ANKRD30B: variants seen among roughly 807,000 people sequenced by gnomAD.
ANKRD30B encodes the protein ankyrin repeat domain 30B.
ANKRD30B carries 144 observed loss-of-function variants against 202.2 expected under a neutral mutation model. The observed-to-expected ratio is 0.71, with a 90% confidence interval of 0.62 to 0.82. The LOEUF is 0.82. Ranked by LOEUF, ANKRD30B falls within the 40% of genes least tolerant of loss-of-function variation. The pLI is 0.00. For missense variants in ANKRD30B, 1,487 were observed against 1,669.1 expected (o/e 0.89, Z 1.90); for synonymous variants, 508 against 561.3 (o/e 0.91, Z 1.34).
intron 32 of ANKRD30B, among the ~76,000 whole-genome samples, chr18:14,827,279 A>G (rs1372230910): frequency 6.6e-6 from 1 of 152,182 alleles, no homozygotes; most frequent in African/African-American, 2.4e-5. Flanking sequence ...TTAATATTTC[A>G]TTGTACTCCT....
At chr18:14,907,144 T>G in the ANKRD30B span, among the ~76,000 whole-genome samples, 17 of 152,190 alleles carry the variant, frequency 1.1e-4, no homozygotes, top group Non-Finnish European at 2.4e-4. Context: ...TGTGTTGATG[T>G]TAATGCTGGA....
In ANKRD30B at chr18:14,850,315, A is replaced by G. The variant is rs771395829; in HGVS notation, c.3497A>G (p.Gln1166Arg). ...CTTAGGAAAAAGTTAGAAGTGAAACAACAACTTGAACAGACTCTCAGAATA... is the reference window on the plus strand; with the variant it reads ...CTTAGGAAAAAGTTAGAAGTGAAACGACAACTTGAACAGACTCTCAGAATA... ...EQLRKKLEVK[Q>R]QLEQTLRIQD... The change falls in exon 41 of 44, where the codon CAA becomes CGA. Residue 1166 changes from glutamine (Q) to arginine (R), a missense_variant. Around this residue, in one of 6 missense-constraint regions of ANKRD30B, gnomAD observed 177 missense variants for 216.4 expected, o/e 0.82. Coordinates refer to ENST00000690538, the MANE Select transcript of ANKRD30B (RefSeq NM_001367607.2). The G allele has an allele frequency of 3.8e-6, 6 of 1,591,894 alleles. No homozygotes were observed. The highest frequency in any genetic ancestry group is 5.1e-6 in the Non-Finnish European group (6 of 1,170,716).
At chr18:14,785,661 G>T (rs1164104881) in intron 14 of ANKRD30B, among the ~76,000 whole-genome samples, 1 of 152,176 alleles carries the variant, frequency 6.6e-6, no homozygotes, top group South Asian at 2.1e-4. Context: ...ACGATCCAGG[G>T]TATGCTTCTG....
chr18:14,815,749 TAA>T (rs1255764043), intron 30 of ANKRD30B, among the ~76,000 whole-genome samples: 3 of 152,210 alleles, frequency 2.0e-5, no homozygotes, highest in African/African-American at 4.8e-5. Context: ...TAATATTTAA[TAA>T]GTCTGTTGCA....
At chr18:14,810,915 A>T (rs1969880576) in intron 28 of ANKRD30B, among the ~76,000 whole-genome samples, 1 of 151,230 alleles carries the variant, frequency 6.6e-6, no homozygotes, top group Non-Finnish European at 1.5e-5. Context: ...GGAGTCGCAG[A>T]CGAGCCTGGT....
At position 14,797,683 on chromosome 18, in the gene ANKRD30B, T is replaced by A. The variant is rs1969008675; in HGVS notation, c.1950T>A (p.Leu650=). ...TAGAGTCTCCTGATAAAGATGGTCT[T>A]CTGAAGGTAATAGCTTTTATGTCTC... is the stretch of plus-strand genomic sequence containing the variant. ...FKAESPDKDG[L]LKPTCGRKVS... is the part of the protein sequence containing the mutation. The change falls in exon 19 of 44, where the codon CTT becomes CTA. Residue 650 remains leucine (L), a synonymous_variant. Transcript: ENST00000690538. The A allele has an allele frequency of 2.5e-6, 4 of 1,609,310 alleles. No individual in the cohort carries two copies. Among genetic ancestry groups the A allele is most frequent in the Non-Finnish European group, 3.4e-6 (4 of 1,175,876 alleles).
intron 32 of ANKRD30B, among the ~76,000 whole-genome samples, chr18:14,827,126 C>T (rs1043857548): frequency 1.2e-4 from 18 of 152,094 alleles, no homozygotes; most frequent in African/African-American, 4.3e-4. Context: ...GAAGGAGGAT[C>T]ATCTGCTTCA....
the ANKRD30B span, among the ~76,000 whole-genome samples, chr18:14,927,444 G>A: frequency 6.6e-6 from 1 of 152,130 alleles, no homozygotes; most frequent in South Asian, 2.1e-4. Context: ...CACATACTGA[G>A]CATTCAATGC....
chr18:14,750,122 A>G (rs1279906434), intron 1 of ANKRD30B, among the ~76,000 whole-genome samples: 1 of 152,136 alleles, frequency 6.6e-6, no homozygotes, highest in African/African-American at 2.4e-5. Context: ...ATCACCCTGC[A>G]TATGAGAAAA....
the ANKRD30B span, among the ~76,000 whole-genome samples, chr18:14,924,782 A>C: frequency 6.6e-6 from 1 of 152,226 alleles, no homozygotes; most frequent in Admixed American, 6.5e-5. Flanking sequence ...GATCGGGGGA[A>C]GATTCCTGGT....
chr18:14,904,450 A>C, the ANKRD30B span, among the ~76,000 whole-genome samples: 6 of 152,116 alleles, frequency 3.9e-5, no homozygotes, highest in South Asian at 1.2e-3. Flanking sequence ...TTTACCAGGC[A>C]CACAGGATCT....
chr18:14,887,983 TA>T, the ANKRD30B span, among the ~76,000 whole-genome samples: 1 of 152,092 alleles, frequency 6.6e-6, no homozygotes, highest in Admixed American at 6.6e-5. Context: ...AGTACAGTAT[TA>T]TCATCAATCA....
chr18:14,919,259 G>T, the ANKRD30B span, among the ~76,000 whole-genome samples: 8 of 152,224 alleles, frequency 5.3e-5, no homozygotes, highest in Admixed American at 3.9e-4. Flanking sequence ...ATTGTAAAAT[G>T]TCAGCAATGC....
At chr18:14,929,832 G>A in the ANKRD30B span, among the ~76,000 whole-genome samples, 1 of 152,098 alleles carries the variant, frequency 6.6e-6, no homozygotes, top group Non-Finnish European at 1.5e-5. Context: ...ATAGTGCTAG[G>A]TGTAATAGAT....
intron 24 of ANKRD30B, among the ~76,000 whole-genome samples, chr18:14,806,293 T>A (rs1969509657): frequency 6.6e-6 from 1 of 150,796 alleles, no homozygotes; most frequent in African/African-American, 2.5e-5. Context: ...CTCTTCATGG[T>A]GACTAAAAAG....
the ANKRD30B span, among the ~76,000 whole-genome samples, chr18:14,923,929 G>A: frequency 3.9e-5 from 6 of 152,298 alleles, no homozygotes. Context: ...TATATCACCT[G>A]TGGTGCTGGG....
At chr18:14,939,032 C>T in the ANKRD30B span, among the ~76,000 whole-genome samples, 8 of 152,284 alleles carry the variant, frequency 5.3e-5, no homozygotes, top group East Asian at 1.5e-3. Context: ...GCAATGAAAA[C>T]ACGTCTGCAG....
chr18:14,853,912 G>A lies in ANKRD30B; in HGVS notation c.*2G>A, dbSNP rs1310810335. Among the ~76,000 whole-genome samples the A allele has an allele frequency of 2.6e-5, 4 of 152,040 alleles. No individual in the cohort carries two copies. The highest frequency in any genetic ancestry group is 9.7e-5 in the African/African-American group (4 of 41,420). On this transcript the variant is annotated 3_prime_UTR_variant, in exon 43 of 44. Transcript: ENST00000690538. ...TCTCACTCTCTGAGGCATCAATAGA[G>A]GCTACATCACATTATCACATTAATC...
intron 14 of ANKRD30B, 48 bp from the exon 15 acceptor site, chr18:14,786,991 T>G (rs766884027): frequency 6.4e-7 from 1 of 1,554,048 alleles, no homozygotes; most frequent in Admixed American, 1.8e-5. Context: ...TTAAAATTTA[T>G]AGTAGAGAAA....
Sources: gnomAD v4.1 joint callset for allele counts (sites outside exome capture counted in the v4.1 genomes callset) on GRCh38, gnomAD v4.1.1 for gene constraint, gnomAD v4.1.1 regional missense constraint, MANE v1.5 for transcripts, NCBI Gene and HGNC (gene_info 2026-07-23, HGNC 2026-07-21) for gene names.